The following TSHZ2 variants were observed in gnomAD, a reference collection of about 807,000 sequenced individuals.
TSHZ2 encodes teashirt homolog 2.
A neutral mutation model predicts 74.4 loss-of-function variants in TSHZ2; 21 were observed. That is an observed-to-expected ratio of 0.28 (90% CI 0.20 to 0.41). The LOEUF (loss-of-function observed/expected upper bound fraction) is 0.41, where lower values mean the gene tolerates loss of function less well. TSHZ2 is among the 10% of genes least tolerant of loss of function. TSHZ2 has a pLI of 1.00. For synonymous variants in TSHZ2, 540 were observed against 515.3 expected, an observed-to-expected ratio of 1.05 and a Z score of -0.65; for missense variants, 1,244 against 1,293.5, an observed-to-expected ratio of 0.96 and a Z score of 0.59.
intron 1 of TSHZ2, among the ~76,000 whole-genome samples, chr20:53,070,977 G>A (rs1985154830): frequency 6.6e-6 from 1 of 152,124 alleles, no homozygotes; most frequent in Non-Finnish European, 1.5e-5. Flanking sequence ...AAAGTAATGG[G>A]TACTATTTGT....
intron 2 of TSHZ2, among the ~76,000 whole-genome samples, chr20:53,363,767 C>T (rs1600831439): frequency 2.6e-5 from 4 of 152,184 alleles, no homozygotes; most frequent in Admixed American, 2.6e-4. Context: ...AAGCCAAGAT[C>T]ATACTACTGT....
At chr20:53,203,536 G>A (rs1028583897) in intron 1 of TSHZ2, among the ~76,000 whole-genome samples, 2 of 151,982 alleles carry the variant, frequency 1.3e-5, no homozygotes, top group Non-Finnish European at 2.9e-5. Context: ...GCTGGTGTGG[G>A]AAATGAGAAA....
intron 2 of TSHZ2, among the ~76,000 whole-genome samples, chr20:53,483,474 G>A (rs535611554): frequency 6.6e-6 from 1 of 152,204 alleles, no homozygotes; most frequent in African/African-American, 2.4e-5. Context: ...TTGCACCACT[G>A]CACTCTAGCG....
At chr20:53,236,351 T>C (rs1037573077) in intron 1 of TSHZ2, among the ~76,000 whole-genome samples, 1 of 152,262 alleles carries the variant, frequency 6.6e-6, no homozygotes, top group African/African-American at 2.4e-5. Context: ...ACTCTCTGGA[T>C]GCTAAGTTGC....
chr20:53,342,292 C>T (rs1980237916), intron 2 of TSHZ2, among the ~76,000 whole-genome samples: 1 of 134,110 alleles, frequency 7.5e-6, no homozygotes, highest in African/African-American at 2.9e-5. Context: ...GTAATATCTT[C>T]TCAGGCTTTT....
chr20:53,184,899 G>A (rs570880799), intron 1 of TSHZ2, among the ~76,000 whole-genome samples: 19 of 152,192 alleles, frequency 1.2e-4, no homozygotes, highest in African/African-American at 4.6e-4. Flanking sequence ...GTATAGATGG[G>A]ATTTCACCAT....
chr20:53,022,707 T>C (rs1326228061), intron 1 of TSHZ2, among the ~76,000 whole-genome samples: 1 of 152,234 alleles, frequency 6.6e-6, no homozygotes, highest in Non-Finnish European at 1.5e-5. Context: ...GACAATAATT[T>C]ACGTGTAATC....
At chr20:53,031,550 G>A (rs573453631) in intron 1 of TSHZ2, among the ~76,000 whole-genome samples, 30 of 152,310 alleles carry the variant, frequency 2.0e-4, no homozygotes, top group African/African-American at 6.5e-4. Flanking sequence ...TGACTCCTGC[G>A]TGCTTGGTGA....
At chr20:53,270,243 C>A (rs1990807258) in intron 2 of TSHZ2, among the ~76,000 whole-genome samples, 1 of 152,122 alleles carries the variant, frequency 6.6e-6, no homozygotes, top group South Asian at 2.1e-4. Context: ...CACAGAGCAC[C>A]CTTGGTGCCT....
chr20:53,030,747 G>A (rs1026493675), intron 1 of TSHZ2, among the ~76,000 whole-genome samples: 1 of 152,126 alleles, frequency 6.6e-6, no homozygotes, highest in Admixed American at 6.5e-5. Context: ...TATCACCACT[G>A]GTAATATTTG....
chr20:53,234,845 G>A (rs924504681), intron 1 of TSHZ2, among the ~76,000 whole-genome samples: 2 of 152,146 alleles, frequency 1.3e-5, no homozygotes, highest in Non-Finnish European at 2.9e-5. Flanking sequence ...TGAGAACATT[G>A]ACTTTTTCTT....
intron 2 of TSHZ2, among the ~76,000 whole-genome samples, chr20:53,332,317 A>G (rs1332354275): frequency 6.6e-6 from 1 of 152,214 alleles, no homozygotes; most frequent in Admixed American, 6.5e-5. Flanking sequence ...GGCATTAGCT[A>G]TGGAAAGAAC....
intron 2 of TSHZ2, among the ~76,000 whole-genome samples, chr20:53,263,966 G>A (rs1232253246): frequency 6.6e-6 from 1 of 152,202 alleles, no homozygotes; most frequent in Non-Finnish European, 1.5e-5. Flanking sequence ...CCAGGGATTT[G>A]AGAATGAAAC....
At chr20:53,134,969 A>AAC (rs34194089) in intron 1 of TSHZ2, among the ~76,000 whole-genome samples, 2,276 of 143,220 alleles carry the variant, frequency 0.016, 37 homozygotes, top group African/African-American at 0.037. Context: ...CTGACAAAGA[A>AAC]ACACACACAC....
intron 2 of TSHZ2, among the ~76,000 whole-genome samples, chr20:53,475,645 A>G (rs1177420990): frequency 1.5e-5 from 2 of 133,204 alleles, no homozygotes; most frequent in Non-Finnish European, 3.2e-5. Flanking sequence ...AGAAGGCAAG[A>G]AATAACTAAA....
chr20:53,382,578 A>G (rs1981898539), intron 2 of TSHZ2, among the ~76,000 whole-genome samples: 1 of 152,248 alleles, frequency 6.6e-6, no homozygotes, highest in African/African-American at 2.4e-5. Flanking sequence ...AGGTCAGACA[A>G]GAAATAGAAG....
In TSHZ2 at chr20:53,462,671, T is replaced by G. The variant is rs147738832; in HGVS notation, c.*9-24473T>G. Reference sequence around the variant, plus strand: ...AGGAAAGCATTTAAAATACATATCATAGCTGCTCAACAGCTGATTTGGGGG... The same window carrying G: ...AGGAAAGCATTTAAAATACATATCAGAGCTGCTCAACAGCTGATTTGGGGG... On this transcript the variant is annotated intron_variant, in intron 2 of 2. Transcript: ENST00000371497. Among the ~76,000 whole-genome samples the G allele has an allele frequency of 4.6e-5, 7 of 152,326 alleles. No homozygotes were observed. In the East Asian group the frequency reaches 1.2e-3, roughly 25 times the overall value.
intron 1 of TSHZ2, among the ~76,000 whole-genome samples, chr20:53,052,298 C>T (rs1984496985): frequency 6.6e-6 from 1 of 152,168 alleles, no homozygotes; most frequent in African/African-American, 2.4e-5. Context: ...AGCTGCGGGT[C>T]GCTACTAGTC....
intron 1 of TSHZ2, among the ~76,000 whole-genome samples, chr20:53,080,933 C>T (rs1000815902): frequency 2.0e-5 from 3 of 152,216 alleles, no homozygotes; most frequent in Non-Finnish European, 4.4e-5. Context: ...GCAAAAATAA[C>T]ACTTCTTAAG....
Sources: allele counts gnomAD v4.1 joint callset (sites outside exome capture counted in the v4.1 genomes callset), GRCh38; gene constraint gnomAD v4.1.1; transcripts MANE v1.5; gene names NCBI Gene and HGNC (gene_info 2026-07-23, HGNC 2026-07-21).